Variants in ZBTB21 observed in about 807,000 individuals in gnomAD.
ZBTB21 encodes the protein zinc finger and BTB domain-containing protein 21.
Under a neutral mutation model 39.8 loss-of-function variants are expected in ZBTB21, and 10 were observed. That is an observed-to-expected ratio of 0.25 (90% CI 0.16 to 0.43). The LOEUF is 0.43. Among genes scored for constraint, ZBTB21 ranks in the 20% least tolerant of loss-of-function variants. The pLI is 1.00. For synonymous variants in ZBTB21, 551 were observed against 498.8 expected (o/e 1.10, Z -1.40); for missense variants, 1,221 against 1,296.3 (o/e 0.94, Z 0.89).
intron 1 of ZBTB21, among the ~76,000 whole-genome samples, chr21:42,008,382 G>A (rs1601661676): frequency 6.9e-6 from 1 of 145,332 alleles, no homozygotes; most frequent in East Asian, 2.0e-4. Context: ...GCTGGGCGAT[G>A]TGGCGGAAGC....
chr21:41,992,744 G>C lies in ZBTB21; in HGVS notation c.1352C>G (p.Ala451Gly), dbSNP rs146658168. 3 of 1,614,094 alleles carry C rather than the reference G, an allele frequency of 1.9e-6. No homozygotes were observed. The highest frequency in any genetic ancestry group is 1.7e-4 in the Middle Eastern group (1 of 6,060). ...AGATGAGGCAGCTGCTGTTGTTGCCGCATCTCCCACAGTGACGCGGATGAT... is the reference window on the plus strand; with the variant it reads ...AGATGAGGCAGCTGCTGTTGTTGCCCCATCTCCCACAGTGACGCGGATGAT... The part of the protein sequence containing the change: ...SDIIRVTVGD[A>G]ATTAAASSSS... Residue 451 changes from alanine to glycine, a missense_variant, in exon 3 of 3, where the codon GCG (alanine) becomes GGG (glycine). Ala to Gly is a moderately conservative substitution (Grantham distance 60). Transcript: ENST00000310826. The surrounding 1 kb of genome is among the most constrained non-coding windows in gnomAD (Gnocchi z 4.1).
At chr21:41,998,863 A>G (rs1293555159) in intron 2 of ZBTB21, among the ~76,000 whole-genome samples, 2 of 152,228 alleles carry the variant, frequency 1.3e-5, no homozygotes, top group Non-Finnish European at 2.9e-5. Context: ...CTTTGGTCAG[A>G]CTGTACCAAG....
intron 2 of ZBTB21, among the ~76,000 whole-genome samples, chr21:41,999,862 A>G (rs952495208): frequency 3.9e-5 from 6 of 152,206 alleles, no homozygotes; most frequent in African/African-American, 1.4e-4. Context: ...AGACCTCCAG[A>G]AGAACTTTAT....
chr21:41,993,616 T>C lies in ZBTB21; in HGVS notation c.480A>G (p.Gly160=), dbSNP rs1163622909. 17 of 1,614,256 alleles carry C rather than the reference T, an allele frequency of 1.1e-5. No individual in the cohort carries two copies. The highest frequency in any genetic ancestry group is 1.4e-5 in the Non-Finnish European group (17 of 1,180,048). The part of the protein sequence containing the change: ...IVCQSRNEAQ[G]KTVSQNQPDV... ...CGGGTTGATTTTGACTAACAGTTTTTCCTTGCGCTTCGTTTCTACTTTGAC... is the reference window on the plus strand; with the variant it reads ...CGGGTTGATTTTGACTAACAGTTTTCCCTTGCGCTTCGTTTCTACTTTGAC... The change falls in exon 3 of 3, where the codon GGA becomes GGG. Residue 160 remains glycine (G), a synonymous_variant. Coordinates refer to ENST00000310826, the MANE Select transcript of ZBTB21 (RefSeq NM_001098402.2).
chr21:42,008,517 G>T (rs575250521), intron 1 of ZBTB21, among the ~76,000 whole-genome samples: 2 of 141,466 alleles, frequency 1.4e-5, no homozygotes, highest in South Asian at 4.5e-4. Context: ...CTCCAGCCTG[G>T]GGCAACAAGA....
intron 2 of ZBTB21, among the ~76,000 whole-genome samples, 168 bp from the exon 3 acceptor site, chr21:41,994,276 G>A (rs2065716331): frequency 6.6e-6 from 1 of 152,200 alleles, no homozygotes; most frequent in Non-Finnish European, 1.5e-5. Flanking sequence ...TGGTGAAAAT[G>A]TAAAATAAGT....
Position 41,993,676 on chromosome 21 carries a change from A to G in ZBTB21, c.420T>C (p.Asp140=), listed in dbSNP as rs147890930. 3.1e-6 allele frequency: 5 copies of G among 1,614,082 alleles called. No homozygotes were observed. Among genetic ancestry groups the G allele is most frequent in the Non-Finnish European group, 4.2e-6 (5 of 1,180,050 alleles). The change falls in exon 3 of 3, where the codon GAT becomes GAC. Residue 140 remains aspartate, a synonymous_variant. Coordinates refer to ENST00000310826, the MANE Select transcript of ZBTB21 (RefSeq NM_001098402.2). ...PNRKKVFVED[D]ENSSQKRSVI... is the part of the protein sequence containing the mutation. ...CACTTCTCTTTTGAGAACTGTTTTC[A>G]TCATCTTCTACAAACACTTTTTTTC...
In ZBTB21 at chr21:41,991,996, T is replaced by C. The variant is rs368348040; in HGVS notation, c.2100A>G (p.Val700=). 3.7e-6 allele frequency: 6 copies of C among 1,614,224 alleles called. No individual in the cohort carries two copies. Among genetic ancestry groups the C allele is most frequent in the Non-Finnish European group, 4.2e-6 (5 of 1,180,044 alleles). ...GCTCTTTTGGTTTAGCAACTTTATT[T>C]ACTCCAAGGGGTTTTTCTCCTGGAT... ...KMHPGEKPLG[V]NKVAKPKEHA... Residue 700 remains valine (V), a synonymous_variant, in exon 3 of 3, where the codon GTA becomes GTG. Coordinates refer to ENST00000310826, the MANE Select transcript of ZBTB21 (RefSeq NM_001098402.2). This position sits in a 1 kb window ranked among gnomAD's most constrained non-coding sequence, Gnocchi z 4.9.
At chr21:41,996,448 G>C (rs1444280460) in intron 2 of ZBTB21, among the ~76,000 whole-genome samples, 1 of 152,166 alleles carries the variant, frequency 6.6e-6, no homozygotes, top group Non-Finnish European at 1.5e-5. Flanking sequence ...GGGCCTGTAA[G>C]CCTCTGTTTT....
chr21:42,001,542 G>C (rs2065817964), intron 2 of ZBTB21, among the ~76,000 whole-genome samples: 1 of 152,244 alleles, frequency 6.6e-6, no homozygotes, highest in Admixed American at 6.5e-5. Flanking sequence ...ACGCAGTATA[G>C]ATGACAGGCA....
chr21:41,993,398 C>T lies in ZBTB21; in HGVS notation c.698G>A (p.Ser233Asn), dbSNP rs369512462. ...SGSLDDPNRISLVKRNAVLPS... is the reference protein window; with the variant it reads ...SGSLDDPNRINLVKRNAVLPS... ...CAACACTGCATTTCTTTTCACCAAA[C>T]TGATTCTATTAGGATCATCCAAAGA... The change falls in exon 3 of 3, where the codon AGT becomes AAT. Residue 233 changes from serine (S) to asparagine (N), a missense_variant. Physicochemically the swap from Ser to Asn is conservative, Grantham distance 46. Transcript: ENST00000310826. The T allele has an allele frequency of 2.4e-5, 38 of 1,614,096 alleles. No individual in the cohort carries two copies. The highest frequency in any genetic ancestry group is 3.1e-5 in the Non-Finnish European group (36 of 1,180,058).
At chr21:42,006,428 CAAA>C (rs11325246) in intron 1 of ZBTB21, among the ~76,000 whole-genome samples, 4 of 135,074 alleles carry the variant, frequency 3.0e-5, no homozygotes, top group Admixed American at 7.4e-5. Context: ...AACTCCGTCT[CAAA>C]AAAAAAAAAA....
chr21:41,993,113 C>T lies in ZBTB21; in HGVS notation c.983G>A (p.Ser328Asn), dbSNP rs1264831868. 1 of 1,614,222 alleles carries T rather than the reference C, an allele frequency of 6.2e-7. No individual in the cohort carries two copies. The highest frequency in any genetic ancestry group is 2.2e-5 in the East Asian group (1 of 44,886). Reference sequence around the variant, plus strand: ...AACAAGTGGGCCACTCCTGTCAATGCTTTGGTTTCCAGAACCAGATCCACT... The same window carrying T: ...AACAAGTGGGCCACTCCTGTCAATGTTTTGGTTTCCAGAACCAGATCCACT... ...PSSGSGSGNQ[S>N]IDRSGPLVKS... Residue 328 changes from serine to asparagine, a missense_variant, in exon 3 of 3, where the codon AGC becomes AAC. By Grantham distance (46) the Ser-to-Asn change is conservative. Coordinates refer to ENST00000310826, the MANE Select transcript of ZBTB21 (RefSeq NM_001098402.2).
chr21:42,001,315 GGTCAA>G (rs1416470990), intron 2 of ZBTB21, among the ~76,000 whole-genome samples: 7 of 152,198 alleles, frequency 4.6e-5, no homozygotes, highest in African/African-American at 1.7e-4. Flanking sequence ...GGCATTGAGA[GGTCAA>G]GTCATTTGCC....
intron 1 of ZBTB21, among the ~76,000 whole-genome samples, chr21:42,006,222 C>T (rs1478888297): frequency 6.6e-6 from 1 of 152,098 alleles, no homozygotes; most frequent in South Asian, 2.1e-4. Context: ...CGAGACCAGC[C>T]TGGCCAACAT....
Position 41,991,990 on chromosome 21 carries a change from T to C in ZBTB21, c.2106A>G (p.Lys702=), listed in dbSNP as rs141900430. The change falls in exon 3 of 3, where the codon AAA becomes AAG. Residue 702 remains lysine (K), a synonymous_variant. Coordinates refer to ENST00000310826, the MANE Select transcript of ZBTB21 (RefSeq NM_001098402.2). This position sits in a 1 kb window ranked among gnomAD's most constrained non-coding sequence, Gnocchi z 4.9. ...HPGEKPLGVN[K]VAKPKEHAPL... is the part of the protein sequence containing the mutation. Reference sequence around the variant, plus strand: ...GAGCATGCTCTTTTGGTTTAGCAACTTTATTTACTCCAAGGGGTTTTTCTC... The same window carrying C: ...GAGCATGCTCTTTTGGTTTAGCAACCTTATTTACTCCAAGGGGTTTTTCTC... 9.9e-6 allele frequency: 16 copies of C among 1,614,112 alleles called. No homozygotes were observed. In the African/African-American group the frequency reaches 2.1e-4, roughly 22 times the overall value.
In ZBTB21 at chr21:41,991,732, G is replaced by A; in HGVS notation, c.2364C>T (p.Phe788=). Reference sequence around the variant, plus strand: ...CTTCAACCTGGTGCCGCCAGATGCTGAAAGAGGACTTGAAGGTGCGCATGC... The same window carrying A: ...CTTCAACCTGGTGCCGCCAGATGCTAAAAGAGGACTTGAAGGTGCGCATGC... ...LECMRTFKSS[F]SIWRHQVEVH... The change falls in exon 3 of 3, where the codon TTC becomes TTT. Residue 788 remains phenylalanine, a synonymous_variant. Coordinates refer to ENST00000310826, the MANE Select transcript of ZBTB21 (RefSeq NM_001098402.2). This position sits in a 1 kb window ranked among gnomAD's most constrained non-coding sequence, Gnocchi z 4.9. 6.2e-7 allele frequency: 1 copy of A among 1,614,250 alleles called. No homozygotes were observed. Among genetic ancestry groups the A allele is most frequent in the Non-Finnish European group, 8.5e-7 (1 of 1,180,040 alleles).
intron 2 of ZBTB21, among the ~76,000 whole-genome samples, chr21:41,995,175 AC>A (rs1401821569): frequency 1.8e-4 from 27 of 152,214 alleles, no homozygotes; most frequent in African/African-American, 6.3e-4. Context: ...TGTGGAAGCG[AC>A]TTTGGAACTG....
In ZBTB21 at chr21:41,993,738, TAGA is replaced by T; in HGVS notation, c.355_357del (p.Ser119del). ...GTTGGAAAGGGGGCTTGAGGTGTTT[TAGA>T]AACGATGTTAGTCAGAAAGGAAATC... is the stretch of plus-strand genomic sequence containing the variant. On this transcript the variant is annotated inframe_deletion, in exon 3 of 3. Coordinates refer to ENST00000310826, the MANE Select transcript of ZBTB21 (RefSeq NM_001098402.2). 6.2e-7 allele frequency: 1 copy of T among 1,614,228 alleles called. No homozygotes were observed. Among genetic ancestry groups the T allele is most frequent in the Non-Finnish European group, 8.5e-7 (1 of 1,180,046 alleles).
Sources: allele counts gnomAD v4.1 joint callset (sites outside exome capture counted in the v4.1 genomes callset), GRCh38; gene constraint gnomAD v4.1.1; non-coding constraint Gnocchi (gnomAD v3.1); transcripts MANE v1.5; gene names NCBI Gene and HGNC (gene_info 2026-07-23, HGNC 2026-07-21).